The following NXPE2 variants were observed in gnomAD, a reference collection of about 807,000 sequenced individuals.
The protein encoded by NXPE2 is neurexophilin and PC-esterase domain family member 2, also known as NXPE family member 2.
A neutral mutation model predicts 34.4 loss-of-function variants in NXPE2; 34 were observed. The ratio of observed to expected loss-of-function variants is 0.99; its 90% confidence interval spans 0.75 to 1.31. NXPE2 has a LOEUF of 1.31. Ranked by LOEUF, NXPE2 falls within the 40% of genes most tolerant of loss-of-function variation. NXPE2 has a pLI of 0.00. For synonymous variants in NXPE2, 235 were observed against 231.3 expected (o/e 1.02, Z -0.15); for missense variants, 649 against 672.5 (o/e 0.97, Z 0.39).
chr11:114,742,945 T>G, the NXPE2 span, among the ~76,000 whole-genome samples: 3 of 152,236 alleles, frequency 2.0e-5, no homozygotes, highest in Admixed American at 2.0e-4. Context: ...CTGATTTTAT[T>G]TGGGGCTGTT....
chr11:114,503,968 T>C, the NXPE2 span, among the ~76,000 whole-genome samples: 1 of 152,236 alleles, frequency 6.6e-6, no homozygotes, highest in Admixed American at 6.5e-5. Flanking sequence ...TGGGGGGCTC[T>C]GGAGGCCCAC....
the NXPE2 span, among the ~76,000 whole-genome samples, chr11:114,540,642 C>T: frequency 6.6e-6 from 1 of 151,734 alleles, no homozygotes; most frequent in Non-Finnish European, 1.5e-5. Context: ...TTTCAGATTG[C>T]AATGTTCAAC....
At chr11:114,614,807 C>T in the NXPE2 span, among the ~76,000 whole-genome samples, 1 of 151,938 alleles carries the variant, frequency 6.6e-6, no homozygotes, top group African/African-American at 2.4e-5. Flanking sequence ...ATAAGTGTTG[C>T]CTCGTGGGTA....
chr11:114,581,657 G>A, the NXPE2 span: 1 of 1,280,980 alleles, frequency 7.8e-7, no homozygotes, highest in Non-Finnish European at 1.1e-6. Flanking sequence ...AACAAATCCA[G>A]TAGAAAGAAG....
chr11:114,630,974 A>C, the NXPE2 span, among the ~76,000 whole-genome samples: 1 of 150,960 alleles, frequency 6.6e-6, no homozygotes, highest in Non-Finnish European at 1.5e-5. Flanking sequence ...CCACAATGAG[A>C]TACCATCTCA....
At chr11:114,750,469 T>G in the NXPE2 span, among the ~76,000 whole-genome samples, 51 of 152,350 alleles carry the variant, frequency 3.3e-4, no homozygotes, top group East Asian at 8.9e-3. Context: ...GCTTTTTGAC[T>G]CTTAAGTTTT....
At chr11:114,531,735 C>T in the NXPE2 span, among the ~76,000 whole-genome samples, 11 of 152,116 alleles carry the variant, frequency 7.2e-5, no homozygotes, top group Non-Finnish European at 1.6e-4. Flanking sequence ...ATACTTTCTC[C>T]TCTTCCTGGA....
the NXPE2 span, among the ~76,000 whole-genome samples, chr11:114,640,007 A>G: frequency 4.1e-5 from 5 of 120,510 alleles, no homozygotes; most frequent in East Asian, 1.2e-3. Flanking sequence ...ATAATGTAAT[A>G]ATATATTATT....
chr11:114,623,820 T>C, the NXPE2 span, among the ~76,000 whole-genome samples: 1 of 152,176 alleles, frequency 6.6e-6, no homozygotes, highest in African/African-American at 2.4e-5. Flanking sequence ...GCCTCGTGGG[T>C]AACCACTGTT....
the NXPE2 span, among the ~76,000 whole-genome samples, chr11:114,485,152 CATCAT>C: frequency 2.4e-4 from 37 of 152,074 alleles, no homozygotes; most frequent in Non-Finnish European, 2.6e-4. Flanking sequence ...AAGGGGTATC[CATCAT>C]CTCAAACATT....
intron 2 of NXPE2, among the ~76,000 whole-genome samples, chr11:114,691,921 C>T (rs1258542506): frequency 6.6e-6 from 1 of 152,210 alleles, no homozygotes; most frequent in Admixed American, 6.5e-5. Context: ...GGATTGACAC[C>T]CACAGACTAG....
chr11:114,740,745 T>TC, the NXPE2 span, among the ~76,000 whole-genome samples: 3 of 152,200 alleles, frequency 2.0e-5, no homozygotes, highest in Non-Finnish European at 4.4e-5. Context: ...TGATGAGCTA[T>TC]CCATTGTCAA....
the NXPE2 span, among the ~76,000 whole-genome samples, chr11:114,533,750 C>T: frequency 6.6e-6 from 1 of 152,198 alleles, no homozygotes; most frequent in Non-Finnish European, 1.5e-5. Flanking sequence ...GGGCACCCAC[C>T]ATTGCTCAGG....
At chr11:114,491,898 C>T in the NXPE2 span, among the ~76,000 whole-genome samples, 3 of 152,116 alleles carry the variant, frequency 2.0e-5, no homozygotes, top group Non-Finnish European at 4.4e-5. Flanking sequence ...TCTGAGCAAA[C>T]TATTGCAAGG....
chr11:114,683,090 G>C (rs77520681), intron 2 of NXPE2, among the ~76,000 whole-genome samples: 24,234 of 151,924 alleles, frequency 0.16, 2,209 homozygotes, highest in South Asian at 0.2. Flanking sequence ...TATAAAACCT[G>C]ATCTATAGAA....
chr11:114,526,899 G>A, the NXPE2 span, among the ~76,000 whole-genome samples: 1 of 152,086 alleles, frequency 6.6e-6, no homozygotes, highest in Admixed American at 6.6e-5. Context: ...CTTAAATCCA[G>A]CAACACTACC....
chr11:114,787,048 C>T, the NXPE2 span, among the ~76,000 whole-genome samples: 78 of 152,254 alleles, frequency 5.1e-4, no homozygotes, highest in African/African-American at 1.8e-3. Flanking sequence ...GTCCTGCTGC[C>T]GCCCGCAGCT....
At chr11:114,645,328 C>T in the NXPE2 span, among the ~76,000 whole-genome samples, 1 of 151,678 alleles carries the variant, frequency 6.6e-6, no homozygotes, top group Non-Finnish European at 1.5e-5. Flanking sequence ...AATAAAAAAA[C>T]CCAGTCCCCA....
At chr11:114,564,927 T>C in the NXPE2 span, among the ~76,000 whole-genome samples, 1 of 152,196 alleles carries the variant, frequency 6.6e-6, no homozygotes, top group African/African-American at 2.4e-5. Context: ...ATCTCTCTAG[T>C]TGGATAATGA....
Sources: allele counts gnomAD v4.1 joint callset (sites outside exome capture counted in the v4.1 genomes callset), GRCh38; gene constraint gnomAD v4.1.1; transcripts MANE v1.5; gene names NCBI Gene and HGNC (gene_info 2026-07-23, HGNC 2026-07-21).